TM2D3: variants seen among roughly 807,000 people sequenced by gnomAD.
TM2D3 encodes TM2 domain containing 3.
A neutral mutation model predicts 27.3 loss-of-function variants in TM2D3; 33 were observed. The ratio of observed to expected loss-of-function variants is 1.21; its 90% CI spans 0.92 to 1.61. The LOEUF is 1.61. Among genes scored for constraint, TM2D3 ranks in the 40% most tolerant of loss-of-function variants. TM2D3 has a pLI of 0.00. For synonymous variants in TM2D3, 138 were observed against 122.2 expected (o/e 1.13, Z -0.85); for missense variants, 364 against 320.8 (o/e 1.13, Z -1.03).
Position 101,642,346 on chromosome 15 carries a change from A to T in TM2D3, c.*133T>A, listed in dbSNP as rs1896689108. On this transcript the variant is annotated 3_prime_UTR_variant, in exon 6 of 6. Transcript: ENST00000333202. ...CATAGTTCAGCGTTTCATTTATCTT[A>T]CCTTTATCAAGGCAAACAAAGTACA... 1 of 1,348,398 alleles carries T rather than the reference A, an allele frequency of 7.4e-7. No homozygotes were observed. The highest frequency in any genetic ancestry group is 9.6e-7 in the Non-Finnish European group (1 of 1,046,614). 83.5% of individuals were successfully genotyped at this position (1,348,398 alleles called of 1,614,324 possible). A position where few individuals can be genotyped will look rare whatever the true frequency, so the allele number is the denominator to read the frequency against.
rs542704172 is a variant in TM2D3, at chr15:101,645,101, C to T, written c.564G>A (p.Thr188=). The T allele has an allele frequency of 8.1e-6, 13 of 1,613,252 alleles. No homozygotes were observed. The highest frequency in any genetic ancestry group is 1.3e-5 in the African/African-American group (1 of 74,840). Residue 188 remains threonine, a synonymous_variant, in exon 5 of 6, where the codon ACG becomes ACA. Transcript: ENST00000333202. ...CNWTGGYKWS[T]ALALSITLGG... ...ACAAGGCTTACCTTAGAGCCAGAGC[C>T]GTAGACCACTTATAGCCTCCAGTCC...
chr15:101,651,736 C>G lies in TM2D3; in HGVS notation c.129G>C (p.Pro43=), dbSNP rs765060120. Residue 43 remains proline (P), a synonymous_variant, in exon 2 of 6, where the codon CCG becomes CCC. Transcript: ENST00000333202. ...CTACTGTGAATGTGCGTGTTGGGCC[C>G]GGATCCTTTATTGACTGAGCCAGCG... ...SQALAQSIKD[P]GPTRTFTVVP... 6.2e-7 allele frequency: 1 copy of G among 1,614,048 alleles called. No individual in the cohort carries two copies.
chr15:101,634,560 G>C (rs1896515822), intron 4 of TM2D3: 2 of 152,164 alleles, frequency 1.3e-5, no homozygotes, highest in African/African-American at 4.8e-5. Context: ...GGCAAAGATA[G>C]AAAAATGCTG....
chr15:101,644,686 C>A (rs1052603579), intron 5 of TM2D3, among the ~76,000 whole-genome samples: 1 of 152,176 alleles, frequency 6.6e-6, no homozygotes, highest in African/African-American at 2.4e-5. Flanking sequence ...TTATCTGCTG[C>A]TGATGAAATT....
At chr15:101,643,623 G>GAAA (rs1567311253) in intron 5 of TM2D3, among the ~76,000 whole-genome samples, 15 of 62,674 alleles carry the variant, frequency 2.4e-4, no homozygotes, top group South Asian at 6.1e-4. Flanking sequence ...AAAAAAAAAA[G>GAAA]CAAAAAAAAA....
intron 3 of TM2D3, among the ~76,000 whole-genome samples, chr15:101,649,564 AT>A (rs1448852353): frequency 6.6e-6 from 1 of 152,220 alleles, no homozygotes; most frequent in African/African-American, 2.4e-5. Flanking sequence ...GCATTCCGGC[AT>A]TTACTGAATC....
At chr15:101,648,149 G>A (rs1319844993) in intron 3 of TM2D3, 4 of 151,940 alleles carry the variant, frequency 2.6e-5, no homozygotes, top group African/African-American at 7.3e-5. Context: ...CACCTGCCTC[G>A]GCCTGCCAAA....
intron 1 of TM2D3, 168 bp from the exon 2 acceptor site, chr15:101,651,941 G>A (rs985056377): frequency 5.8e-6 from 4 of 688,334 alleles, no homozygotes; most frequent in African/African-American, 5.3e-5. Flanking sequence ...CGTCAACAGA[G>A]TAGACATCAG....
chr15:101,633,624 T>G, exon 5 of TM2D3: 1 of 1,445,944 alleles, frequency 6.9e-7, no homozygotes, highest in Non-Finnish European at 9.4e-7. Flanking sequence ...ATTCAGCACT[T>G]CTCATGCTCT....
chr15:101,652,157 G>T, intron 1 of TM2D3, 114 bp downstream of exon 1: 1 of 1,015,686 alleles, frequency 9.8e-7, no homozygotes, highest in Non-Finnish European at 1.5e-6. Context: ...CCGGAGCCCG[G>T]CACTCGGCCT....
chr15:101,637,023 C>A, downstream of TM2D3: 1 of 257,164 alleles, frequency 3.9e-6, no homozygotes. Context: ...CCGGTGTGGT[C>A]CGGCTACAGC....
chr15:101,642,539 T>C lies in TM2D3; in HGVS notation c.684A>G (p.Ile228Met), dbSNP rs765840901. Residue 228 changes from isoleucine to methionine, a missense_variant, in exon 6 of 6, where the codon ATA becomes ATG. By Grantham distance (10) the Ile-to-Met change is conservative. Coordinates refer to ENST00000333202, the MANE Select transcript of TM2D3 (RefSeq NM_078474.3). ...SFGGLGIWTL[I>M]DVLLIGVGYV... is the part of the protein sequence containing the mutation. ...AGCCAACTCCAATGAGCAGGACGTC[T>C]ATCAGCGTCCATATTCCCAGGCCAC... 1.9e-6 allele frequency: 3 copies of C among 1,613,584 alleles called. No individual in the cohort carries two copies. Among genetic ancestry groups the C allele is most frequent in the Non-Finnish European group, 2.5e-6 (3 of 1,179,846 alleles).
chr15:101,637,858 A>G (rs541204419), downstream of TM2D3, among the ~76,000 whole-genome samples: 4 of 152,274 alleles, frequency 2.6e-5, no homozygotes, highest in African/African-American at 9.6e-5. Context: ...ATGTAAAAGG[A>G]CAACTTCATA....
chr15:101,643,660 T>TTTTAATTG (rs1896730495), intron 5 of TM2D3, among the ~76,000 whole-genome samples: 1 of 142,506 alleles, frequency 7.0e-6, no homozygotes, highest in Non-Finnish European at 1.5e-5. Flanking sequence ...TGCTGAGAAG[T>TTTTAATTG]TTTAATTGTT....
chr15:101,643,920 G>A (rs1596263682), intron 5 of TM2D3, among the ~76,000 whole-genome samples: 1 of 152,090 alleles, frequency 6.6e-6, no homozygotes, highest in African/African-American at 2.4e-5. Context: ...TGCAATGCCA[G>A]CTCACTGCAG....
intron 3 of TM2D3, chr15:101,648,392 A>C (rs551326749): frequency 1.3e-5 from 2 of 152,348 alleles, no homozygotes; most frequent in African/African-American, 2.4e-5. Context: ...TGATTTAGGC[A>C]AACAGTTGGA....
At chr15:101,634,008 A>G (rs1295643171) in intron 4 of TM2D3, 1 of 308,980 alleles carries the variant, frequency 3.2e-6, no homozygotes, top group African/African-American at 2.1e-5. Context: ...GAAGATATAA[A>G]AAGGTACCAA....
At chr15:101,637,681 A>G (rs1284630801), downstream of TM2D3, among the ~76,000 whole-genome samples, 1 of 152,158 alleles carries the variant, frequency 6.6e-6, no homozygotes, top group African/African-American at 2.4e-5. Context: ...CTGGGCTCAA[A>G]GATCGCTCCC....
intron 5 of TM2D3, among the ~76,000 whole-genome samples, chr15:101,644,825 A>G (rs960265387): frequency 4.6e-5 from 7 of 152,334 alleles, no homozygotes; most frequent in African/African-American, 1.7e-4. Flanking sequence ...TGGATAGTCC[A>G]CAGCATTTTA....
Sources: allele counts gnomAD v4.1 joint callset (sites outside exome capture counted in the v4.1 genomes callset), GRCh38; gene constraint gnomAD v4.1.1; transcripts MANE v1.5; gene names NCBI Gene and HGNC (gene_info 2026-07-23, HGNC 2026-07-21).